Variants in KCNIP4 observed in about 807,000 individuals in gnomAD.
The protein encoded by KCNIP4 is Kv channel-interacting protein 4.
In KCNIP4, 12 loss-of-function variants were observed where a neutral mutation model predicts 34.0. The ratio of observed to expected loss-of-function variants is 0.35; its 90% CI spans 0.23 to 0.57. The LOEUF is 0.57. KCNIP4 is among the 20% of genes least tolerant of loss of function. KCNIP4 has a pLI of 0.83. For synonymous variants in KCNIP4, 124 were observed against 102.2 expected, an observed-to-expected ratio of 1.21 and a Z score of -1.29; for missense variants, 238 against 311.7, an observed-to-expected ratio of 0.76 and a Z score of 1.78.
At chr4:21,357,777 AAG>A (rs1175609202) in intron 1 of KCNIP4, among the ~76,000 whole-genome samples, 3 of 152,184 alleles carry the variant, frequency 2.0e-5, no homozygotes, top group East Asian at 3.9e-4. Context: ...CTCAAGGATA[AAG>A]AACTAGAAAT....
At chr4:20,920,013 C>T (rs917528577) in intron 1 of KCNIP4, among the ~76,000 whole-genome samples, 1 of 152,020 alleles carries the variant, frequency 6.6e-6, no homozygotes, top group Non-Finnish European at 1.5e-5. Context: ...TATTGAATGG[C>T]TCTAGGCCAT....
At chr4:21,685,729 G>C (rs563644829) in intron 1 of KCNIP4, among the ~76,000 whole-genome samples, 20 of 152,288 alleles carry the variant, frequency 1.3e-4, no homozygotes, top group Admixed American at 1.2e-3. Context: ...CAAAAAATTC[G>C]TTTATATGAG....
chr4:20,909,585 C>T (rs1295308893), intron 1 of KCNIP4, among the ~76,000 whole-genome samples: 1 of 152,174 alleles, frequency 6.6e-6, no homozygotes, highest in African/African-American at 2.4e-5. Flanking sequence ...ACATGTTCCC[C>T]TTAGTCATTT....
intron 1 of KCNIP4, among the ~76,000 whole-genome samples, chr4:21,911,658 A>AGAG (rs1213125733): frequency 7.2e-6 from 1 of 139,734 alleles, no homozygotes; most frequent in Non-Finnish European, 1.6e-5. Flanking sequence ...ACACACACAG[A>AGAG]GTCTGGTATT....
chr4:21,844,107 G>A (rs908274538), intron 1 of KCNIP4: 1 of 151,946 alleles, frequency 6.6e-6, no homozygotes, highest in Non-Finnish European at 1.5e-5. Context: ...TGAAGGTAAT[G>A]GGAACCAAAC....
intron 1 of KCNIP4, among the ~76,000 whole-genome samples, chr4:21,226,326 G>C (rs1214614922): frequency 7.6e-6 from 1 of 131,026 alleles, no homozygotes; most frequent in Admixed American, 7.2e-5. Context: ...AGAAAGGGAA[G>C]GGAAGGAAGG....
chr4:20,803,734 G>GA (rs1411893078), intron 3 of KCNIP4, among the ~76,000 whole-genome samples: 2 of 140,252 alleles, frequency 1.4e-5, no homozygotes, highest in African/African-American at 5.5e-5. Context: ...AGAGAGGAAG[G>GA]AAGGAAGGAA....
chr4:20,743,532 T>C (rs1269122301), intron 5 of KCNIP4, among the ~76,000 whole-genome samples: 1 of 152,178 alleles, frequency 6.6e-6, no homozygotes, highest in African/African-American at 2.4e-5. Context: ...GGATTCCCTA[T>C]TTAATAAATG....
At chr4:21,089,299 C>T (rs1746764557) in intron 1 of KCNIP4, among the ~76,000 whole-genome samples, 1 of 152,294 alleles carries the variant, frequency 6.6e-6, no homozygotes, top group East Asian at 1.9e-4. Flanking sequence ...TCTTTGCTCT[C>T]TTCCTCCTTC....
At chr4:21,394,322 G>A (rs1409745543) in intron 1 of KCNIP4, among the ~76,000 whole-genome samples, 1 of 151,970 alleles carries the variant, frequency 6.6e-6, no homozygotes, top group African/African-American at 2.4e-5. Flanking sequence ...CACTTCTTCG[G>A]GGGACAGTCT....
chr4:20,842,586 A>C (rs1199476719), intron 3 of KCNIP4, among the ~76,000 whole-genome samples: 1 of 25,490 alleles, frequency 3.9e-5, no homozygotes, highest in African/African-American at 1.1e-4. Context: ...AATGGCAAAA[A>C]AAAAAAAAAA....
intron 3 of KCNIP4, among the ~76,000 whole-genome samples, chr4:20,788,644 G>A (rs1173476376): frequency 1.3e-5 from 2 of 152,136 alleles, no homozygotes; most frequent in Non-Finnish European, 2.9e-5. Flanking sequence ...AACTTTGAGT[G>A]CATAAACAAA....
intron 1 of KCNIP4, among the ~76,000 whole-genome samples, chr4:21,227,286 A>T (rs1560191663): frequency 6.6e-6 from 1 of 152,182 alleles, no homozygotes; most frequent in African/African-American, 2.4e-5. Context: ...TTTGAAAGGA[A>T]TCATGCTCAG....
At chr4:20,754,065 C>T (rs1754096512) in intron 4 of KCNIP4, among the ~76,000 whole-genome samples, 1 of 152,152 alleles carries the variant, frequency 6.6e-6, no homozygotes, top group Non-Finnish European at 1.5e-5. Context: ...AGCTTACACA[C>T]TAAAGCTTCT....
At chr4:21,726,786 G>A (rs940197132) in intron 1 of KCNIP4, among the ~76,000 whole-genome samples, 10 of 152,084 alleles carry the variant, frequency 6.6e-5, no homozygotes, top group Admixed American at 3.3e-4. Flanking sequence ...CACAGTGCCC[G>A]ACACAAAGTA....
chr4:21,137,017 T>C (rs1000090179), intron 1 of KCNIP4, among the ~76,000 whole-genome samples: 3 of 152,120 alleles, frequency 2.0e-5, no homozygotes, highest in South Asian at 2.1e-4. Flanking sequence ...AAACTCTGGG[T>C]TCCATTCCTT....
chr4:21,421,824 A>G (rs1021659292), intron 1 of KCNIP4, among the ~76,000 whole-genome samples: 2 of 152,248 alleles, frequency 1.3e-5, no homozygotes, highest in African/African-American at 4.8e-5. Context: ...TAATTATTTC[A>G]AAGTGTATAC....
chr4:21,482,450 C>T (rs192133697), intron 1 of KCNIP4, among the ~76,000 whole-genome samples: 447 of 152,186 alleles, frequency 2.9e-3, no homozygotes, highest in African/African-American at 0.01. Context: ...TGCCTGGTAC[C>T]GGTTGTTCCT....
At chr4:21,393,193 G>A (rs142210151) in intron 1 of KCNIP4, among the ~76,000 whole-genome samples, 234 of 152,254 alleles carry the variant, frequency 1.5e-3, no homozygotes, top group Non-Finnish European at 2.0e-3. Flanking sequence ...TCTTTCAAAT[G>A]TCCATCAGAA....
Sources: allele counts gnomAD v4.1 joint callset (sites outside exome capture counted in the v4.1 genomes callset), GRCh38; gene constraint gnomAD v4.1.1; transcripts MANE v1.5; gene names NCBI Gene and HGNC (gene_info 2026-07-23, HGNC 2026-07-21).